Variants in SCFD1 observed in about 807,000 individuals in gnomAD.
SCFD1 encodes sec1 family domain containing 1.
In SCFD1, 37 loss-of-function variants were observed where a neutral mutation model predicts 103.2. The ratio of observed to expected loss-of-function variants is 0.36; its 90% CI spans 0.28 to 0.47. The LOEUF (loss-of-function observed/expected upper bound fraction) is 0.47. Ranked by LOEUF, SCFD1 falls within the 20% of genes least tolerant of loss-of-function variation. The pLI is 1.00. For missense variants in SCFD1, 639 were observed against 761.2 expected (o/e 0.84, Z 1.89); for synonymous variants, 264 against 245.0 (o/e 1.08, Z -0.73).
intron 10 of SCFD1, among the ~76,000 whole-genome samples, chr14:30,665,244 T>A (rs969752395): frequency 1.3e-5 from 2 of 152,156 alleles, no homozygotes; most frequent in African/African-American, 2.4e-5. Context: ...TATTCAACAT[T>A]CTTAAAGAAA....
At chr14:30,641,358 A>T (rs1277208602) in intron 6 of SCFD1, among the ~76,000 whole-genome samples, 2 of 152,172 alleles carry the variant, frequency 1.3e-5, no homozygotes, top group East Asian at 3.9e-4. Flanking sequence ...TGTTATCTCA[A>T]GTTGAGGTTA....
At chr14:30,734,944 A>T in intron 24 of SCFD1, 86 bp downstream of exon 24, 1 of 1,076,390 alleles carries the variant, frequency 9.3e-7, no homozygotes, top group Non-Finnish European at 1.4e-6. Flanking sequence ...AAAACCACTT[A>T]CTCACCTGAA....
At chr14:30,640,216 T>A (rs758162250) in intron 6 of SCFD1, among the ~76,000 whole-genome samples, 3 of 152,158 alleles carry the variant, frequency 2.0e-5, no homozygotes, top group Non-Finnish European at 4.4e-5. Flanking sequence ...ACAAGTTAGC[T>A]TGCTTCTCTG....
At position 30,622,367 on chromosome 14, in the gene SCFD1, C is replaced by T. The variant is rs1399090510; in HGVS notation, c.29C>T (p.Ala10Val). Residue 10 changes from alanine to valine, a missense_variant, in exon 1 of 25, where the codon GCA becomes GTA. Physicochemically the swap from Ala to Val is moderately conservative, Grantham distance 64. Coordinates refer to ENST00000458591, the MANE Select transcript of SCFD1 (RefSeq NM_016106.4). ...GCGGCGGCGGCGGCAGCGACAGCAG[C>T]AGCAGCAGCCAGTATTCGGGAAAGG... MAAAAAATAAAAASIRERQT... is the reference protein window; with the variant it reads MAAAAAATAVAAASIRERQT... 3.8e-6 allele frequency: 6 copies of T among 1,560,678 alleles called. No individual in the cohort carries two copies. In the African/African-American group the frequency reaches 4.1e-5, roughly 11 times the overall value.
intron 1 of SCFD1, among the ~76,000 whole-genome samples, chr14:30,625,600 TATAGGTATAGGTATA>T (rs1883313821): frequency 5.8e-5 from 4 of 68,462 alleles, no homozygotes; most frequent in African/African-American, 9.9e-5. Flanking sequence ...TCCTTTTTGT[TATAGGTATAGGTATA>T]CCTATATAGG....
chr14:30,665,225 G>T (rs1168022274), intron 10 of SCFD1, among the ~76,000 whole-genome samples: 2 of 152,180 alleles, frequency 1.3e-5, no homozygotes, highest in Non-Finnish European at 2.9e-5. Context: ...AGAAGAGAGT[G>T]GGGGGCAATA....
chr14:30,623,806 C>T (rs777326046), intron 1 of SCFD1, among the ~76,000 whole-genome samples: 10 of 151,982 alleles, frequency 6.6e-5, no homozygotes, highest in African/African-American at 2.4e-4. Flanking sequence ...TTTTTACTGT[C>T]ATTGAATTCT....
chr14:30,643,056 C>T (rs1443390368), intron 6 of SCFD1, among the ~76,000 whole-genome samples: 1 of 151,864 alleles, frequency 6.6e-6, no homozygotes, highest in Non-Finnish European at 1.5e-5. Flanking sequence ...GCCTGTGGTC[C>T]CAGCTATTCT....
intron 1 of SCFD1, among the ~76,000 whole-genome samples, chr14:30,627,729 G>A (rs1368254988): frequency 7.7e-6 from 1 of 130,442 alleles, no homozygotes; most frequent in East Asian, 2.2e-4. Flanking sequence ...GGCAACAAGA[G>A]CGAAACTCTG....
At chr14:30,696,700 G>C (rs1439575508) in intron 15 of SCFD1, among the ~76,000 whole-genome samples, 1 of 152,186 alleles carries the variant, frequency 6.6e-6, no homozygotes, top group East Asian at 1.9e-4. Context: ...AACAGATTGA[G>C]GAGGGTGACC....
At chr14:30,676,440 T>C (rs1188879040) in intron 14 of SCFD1, 2 of 152,172 alleles carry the variant, frequency 1.3e-5, no homozygotes, top group African/African-American at 4.8e-5. Context: ...AGCAGGGTGA[T>C]GTGAGGCAAT....
chr14:30,707,767 GA>G, intron 18 of SCFD1: 1 of 567,036 alleles, frequency 1.8e-6, no homozygotes, highest in South Asian at 1.7e-5. Context: ...AATAATTATT[GA>G]CTAATCAGAG....
At chr14:30,682,030 T>C (rs1160931258) in intron 14 of SCFD1, among the ~76,000 whole-genome samples, 3 of 152,230 alleles carry the variant, frequency 2.0e-5, no homozygotes, top group African/African-American at 7.2e-5. Context: ...GCATATTCTT[T>C]GAATAATCTA....
chr14:30,691,202 G>A (rs1566634265), intron 14 of SCFD1, among the ~76,000 whole-genome samples: 1 of 152,158 alleles, frequency 6.6e-6, no homozygotes, highest in Non-Finnish European at 1.5e-5. Flanking sequence ...ACATGTTTCT[G>A]TATGTCTGTT....
intron 10 of SCFD1, among the ~76,000 whole-genome samples, chr14:30,664,727 C>T (rs947130115): frequency 1.3e-5 from 2 of 152,118 alleles, no homozygotes; most frequent in Non-Finnish European, 2.9e-5. Context: ...AAAACCATGG[C>T]ACGAGAACTA....
chr14:30,641,824 A>C (rs1885305164), intron 6 of SCFD1, among the ~76,000 whole-genome samples: 1 of 152,048 alleles, frequency 6.6e-6, no homozygotes, highest in Non-Finnish European at 1.5e-5. Context: ...TATAGTAACC[A>C]CAAGTGGTAT....
intron 10 of SCFD1, among the ~76,000 whole-genome samples, chr14:30,666,039 TG>T (rs1348544659): frequency 1.3e-5 from 2 of 152,154 alleles, no homozygotes; most frequent in Non-Finnish European, 2.9e-5. Context: ...ATCCAGGAAT[TG>T]AACTGAGCTC....
At chr14:30,671,578 T>G (rs1002783047) in intron 11 of SCFD1, among the ~76,000 whole-genome samples, 4 of 152,164 alleles carry the variant, frequency 2.6e-5, no homozygotes, top group African/African-American at 9.7e-5. Context: ...AGAGGTCAGT[T>G]GAATAGTAAG....
At chr14:30,622,803 G>C (rs1481016467) in intron 1 of SCFD1, among the ~76,000 whole-genome samples, 2 of 152,126 alleles carry the variant, frequency 1.3e-5, no homozygotes, top group East Asian at 3.9e-4. Context: ...AGAGAATTTA[G>C]GTATTTTCAC....
Sources: allele counts gnomAD v4.1 joint callset (sites outside exome capture counted in the v4.1 genomes callset), GRCh38; gene constraint gnomAD v4.1.1; transcripts MANE v1.5; gene names NCBI Gene and HGNC (gene_info 2026-07-23, HGNC 2026-07-21).